The following NRCAM variants were observed in gnomAD, a reference collection of about 807,000 sequenced individuals.
NRCAM encodes NgCAM-related cell adhesion molecule.
A neutral mutation model predicts 156.5 loss-of-function variants in NRCAM; 83 were observed. That is an observed-to-expected ratio of 0.53 (90% CI 0.44 to 0.64). NRCAM has a LOEUF of 0.64. Ranked by LOEUF, NRCAM falls within the 30% of genes least tolerant of loss-of-function variation. NRCAM has a pLI of 0.00. For synonymous variants in NRCAM, 538 were observed against 563.9 expected (o/e 0.95, Z 0.65); for missense variants, 1,417 against 1,597.3 (o/e 0.89, Z 1.92).
intron 3 of NRCAM, among the ~76,000 whole-genome samples, chr7:108,262,046 C>G (rs777473970): frequency 3.3e-5 from 5 of 152,172 alleles, no homozygotes; most frequent in Admixed American, 1.3e-4. Context: ...TTCCACTCCC[C>G]CTTTCTGCAT....
chr7:108,440,731 C>A (rs140772381), intron 1 of NRCAM, among the ~76,000 whole-genome samples: 27 of 152,316 alleles, frequency 1.8e-4, no homozygotes, highest in African/African-American at 6.3e-4. Flanking sequence ...ATTTTGCCAG[C>A]TGCACACTTC....
intron 11 of NRCAM, among the ~76,000 whole-genome samples, chr7:108,216,200 G>A (rs1019967651): frequency 7.2e-5 from 11 of 152,226 alleles, no homozygotes; most frequent in African/African-American, 2.6e-4. Flanking sequence ...TGAAATTCTG[G>A]GTTGAAAATT....
intron 1 of NRCAM, among the ~76,000 whole-genome samples, chr7:108,434,870 AAAC>A (rs1830190378): frequency 6.6e-6 from 1 of 152,218 alleles, no homozygotes; most frequent in Non-Finnish European, 1.5e-5. Flanking sequence ...GATTTACTAC[AAAC>A]AAGTTACTAA....
intron 24 of NRCAM, 111 bp downstream of exon 24, chr7:108,181,711 A>G: frequency 1.6e-6 from 1 of 616,960 alleles, no homozygotes; most frequent in Non-Finnish European, 2.8e-6. Flanking sequence ...TCAGTCCACA[A>G]GTTCACAAAG....
chr7:108,422,984 G>A (rs1812176612), intron 1 of NRCAM, among the ~76,000 whole-genome samples: 1 of 152,064 alleles, frequency 6.6e-6, no homozygotes, highest in African/African-American at 2.4e-5. Context: ...TGAGTGCAGG[G>A]GAAAGCATCC....
intron 2 of NRCAM, among the ~76,000 whole-genome samples, chr7:108,360,769 T>C (rs184362536): frequency 7.2e-5 from 11 of 152,268 alleles, no homozygotes; most frequent in African/African-American, 2.6e-4. Context: ...ACAAATGGTG[T>C]TGGGATAAGT....
At chr7:108,414,563 G>T (rs2154421996) in intron 1 of NRCAM, among the ~76,000 whole-genome samples, 1 of 152,284 alleles carries the variant, frequency 6.6e-6, no homozygotes, top group South Asian at 2.1e-4. Context: ...AACTGGGGAG[G>T]CCAGACTCTA....
At position 108,175,303 on chromosome 7, in the gene NRCAM, T is replaced by C; in HGVS notation, c.3187+19A>G. ...CAAATTTCACACATGTATAAAGTCA[T>C]GCAGATGAATTATTTTACCTTTGCC... On this transcript the variant is annotated intron_variant, in intron 28 of 32. Transcript: ENST00000379028. 2 of 1,552,266 alleles carry C rather than the reference T, an allele frequency of 1.3e-6. No homozygotes were observed. The highest frequency in any genetic ancestry group is 1.7e-6 in the Non-Finnish European group (2 of 1,146,826).
At chr7:108,428,177 T>C (rs972818152) in intron 1 of NRCAM, among the ~76,000 whole-genome samples, 3 of 152,210 alleles carry the variant, frequency 2.0e-5, no homozygotes, top group Non-Finnish European at 2.9e-5. Flanking sequence ...CACAACACCA[T>C]GCTATTTATT....
intron 2 of NRCAM, among the ~76,000 whole-genome samples, chr7:108,323,866 G>C (rs776236677): frequency 2.6e-5 from 4 of 152,170 alleles, no homozygotes; most frequent in Non-Finnish European, 5.9e-5. Flanking sequence ...ATTCCAAAGA[G>C]ATTTGAGGGC....
chr7:108,429,418 C>T (rs2154457539), intron 1 of NRCAM, among the ~76,000 whole-genome samples: 1 of 152,332 alleles, frequency 6.6e-6, no homozygotes, highest in East Asian at 1.9e-4. Flanking sequence ...TTTCAAACTC[C>T]TGACCTCAGG....
chr7:108,163,166 A>G (rs1169423731), intron 30 of NRCAM, among the ~76,000 whole-genome samples: 1 of 152,214 alleles, frequency 6.6e-6, no homozygotes, highest in Non-Finnish European at 1.5e-5. Flanking sequence ...TTTTTTTAAC[A>G]ATAAAATTAT....
chr7:108,288,372 G>A (rs919664282), intron 3 of NRCAM, among the ~76,000 whole-genome samples: 1 of 151,976 alleles, frequency 6.6e-6, no homozygotes, highest in Non-Finnish European at 1.5e-5. Context: ...AACTGCATTT[G>A]TACCCCTAAA....
intron 3 of NRCAM, among the ~76,000 whole-genome samples, chr7:108,268,466 A>C (rs2097190088): frequency 6.6e-6 from 1 of 152,144 alleles, no homozygotes; most frequent in Non-Finnish European, 1.5e-5. Flanking sequence ...TCAACTGTGC[A>C]AAGATGGCTG....
chr7:108,269,629 G>A (rs1482284320), intron 3 of NRCAM, among the ~76,000 whole-genome samples: 1 of 152,180 alleles, frequency 6.6e-6, no homozygotes, highest in African/African-American at 2.4e-5. Context: ...TCCAACTGGA[G>A]GAACACACTG....
At chr7:108,380,915 T>C (rs1252755892) in intron 2 of NRCAM, among the ~76,000 whole-genome samples, 1 of 152,132 alleles carries the variant, frequency 6.6e-6, no homozygotes, top group Non-Finnish European at 1.5e-5. Context: ...CATTTCATAA[T>C]AAAAAGAAGT....
At chr7:108,419,671 AT>A (rs1390461812) in intron 1 of NRCAM, among the ~76,000 whole-genome samples, 1 of 152,232 alleles carries the variant, frequency 6.6e-6, no homozygotes, top group East Asian at 1.9e-4. Flanking sequence ...AGAAAGTTAC[AT>A]GTCTCCACTT....
intron 1 of NRCAM, among the ~76,000 whole-genome samples, chr7:108,408,371 C>A (rs926102926): frequency 6.6e-6 from 1 of 152,158 alleles, no homozygotes; most frequent in East Asian, 1.9e-4. Context: ...AAAAATGAAC[C>A]TGTTGTGGCC....
intron 1 of NRCAM, among the ~76,000 whole-genome samples, chr7:108,430,744 C>T (rs941912159): frequency 6.6e-6 from 1 of 152,158 alleles, no homozygotes. Context: ...CTTTTACCTC[C>T]TTTCAGTCTG....
Sources: allele counts gnomAD v4.1 joint callset (sites outside exome capture counted in the v4.1 genomes callset), GRCh38; gene constraint gnomAD v4.1.1; transcripts MANE v1.5; gene names NCBI Gene and HGNC (gene_info 2026-07-23, HGNC 2026-07-21).